Variants in EXOC6 observed in about 807,000 individuals in gnomAD.
The protein encoded by EXOC6 is SEC15-like 1.
A neutral mutation model predicts 112.5 loss-of-function variants in EXOC6; 60 were observed. The observed-to-expected ratio is 0.53, with a 90% CI of 0.43 to 0.66. EXOC6 has a LOEUF of 0.66. Ranked by LOEUF, EXOC6 falls within the 30% of genes least tolerant of loss-of-function variation. The pLI is 0.00. For synonymous variants in EXOC6, 295 were observed against 308.0 expected (o/e 0.96, Z 0.44); for missense variants, 855 against 957.1 (o/e 0.89, Z 1.41).
chr10:92,896,177 ATATATTTTTTTTTTTTTTTTTTT>A (rs1849804582), intron 4 of EXOC6, among the ~76,000 whole-genome samples: 7 of 16,160 alleles, frequency 4.3e-4, no homozygotes, highest in African/African-American at 2.1e-3. Flanking sequence ...ATATATATAT[ATATATTTTTTTTTTTTTTTTTTT>A]TTTTTTTTTT....
At chr10:92,898,452 C>T (rs1849956856) in intron 4 of EXOC6, among the ~76,000 whole-genome samples, 1 of 150,074 alleles carries the variant, frequency 6.7e-6, no homozygotes. Flanking sequence ...AAAATCACGG[C>T]ATAAACAATG....
At chr10:92,866,832 C>T (rs1848197618) in intron 1 of EXOC6, among the ~76,000 whole-genome samples, 1 of 152,030 alleles carries the variant, frequency 6.6e-6, no homozygotes, top group Non-Finnish European at 1.5e-5. Context: ...GAGTTAGTTT[C>T]CATAAGAATT....
At chr10:92,838,129 C>G (rs1667113483) in intron 1 of EXOC6, among the ~76,000 whole-genome samples, 1 of 152,178 alleles carries the variant, frequency 6.6e-6, no homozygotes, top group Non-Finnish European at 1.5e-5. Context: ...CAGTGTAATT[C>G]AAGGGTAACT....
At chr10:93,016,942 A>G (rs1844551022) in intron 20 of EXOC6, among the ~76,000 whole-genome samples, 2 of 151,740 alleles carry the variant, frequency 1.3e-5, no homozygotes, top group South Asian at 2.1e-4. Context: ...CCTCCCAAGT[A>G]GCTGGGACTA....
At chr10:92,961,714 T>TA (rs397779888) in intron 17 of EXOC6, among the ~76,000 whole-genome samples, 8 of 151,260 alleles carry the variant, frequency 5.3e-5, no homozygotes, top group Admixed American at 4.6e-4. Flanking sequence ...TTTTTTTTTT[T>TA]AATATCATCA....
chr10:92,889,552 G>A (rs1164521763), intron 1 of EXOC6, among the ~76,000 whole-genome samples: 2 of 152,068 alleles, frequency 1.3e-5, no homozygotes, highest in African/African-American at 4.8e-5. Context: ...ATTTGTTGAA[G>A]ACTGTCTTTT....
intron 20 of EXOC6, among the ~76,000 whole-genome samples, chr10:93,019,455 G>T (rs1247483265): frequency 6.6e-6 from 1 of 152,074 alleles, no homozygotes; most frequent in Non-Finnish European, 1.5e-5. Flanking sequence ...GATTTCTCCA[G>T]AATTTAGAAA....
chr10:92,989,656 C>T (rs1171945108), intron 18 of EXOC6, among the ~76,000 whole-genome samples: 2 of 152,138 alleles, frequency 1.3e-5, no homozygotes, highest in African/African-American at 2.4e-5. Context: ...TTTACTCACT[C>T]GATATAATAA....
At chr10:92,975,845 C>T (rs1842557870) in intron 18 of EXOC6, among the ~76,000 whole-genome samples, 1 of 132,426 alleles carries the variant, frequency 7.6e-6, no homozygotes, top group Non-Finnish European at 1.6e-5. Context: ...GTGAGGGGCG[C>T]CTCTGCCCGG....
chr10:92,934,469 G>T (rs1350701113), intron 11 of EXOC6, 39 bp downstream of exon 11: 18 of 1,504,448 alleles, frequency 1.2e-5, no homozygotes, highest in South Asian at 2.8e-5. Context: ...TTTTAATTCA[G>T]TTACTTCAAG....
intron 20 of EXOC6, among the ~76,000 whole-genome samples, chr10:93,025,533 CA>C (rs1844991834): frequency 6.6e-6 from 1 of 152,068 alleles, no homozygotes; most frequent in Non-Finnish European, 1.5e-5. Flanking sequence ...TTTCTTCTTC[CA>C]AATATAATCC....
At chr10:92,842,775 CT>C (rs752815630) in intron 1 of EXOC6, among the ~76,000 whole-genome samples, 84 of 152,148 alleles carry the variant, frequency 5.5e-4, no homozygotes, top group Non-Finnish European at 9.9e-4. Flanking sequence ...TGATATTGTT[CT>C]TTAACTGCTC....
At chr10:92,996,062 G>A (rs1386756351) in intron 18 of EXOC6, among the ~76,000 whole-genome samples, 1 of 152,040 alleles carries the variant, frequency 6.6e-6, no homozygotes, top group African/African-American at 2.4e-5. Context: ...GGGAGATTTT[G>A]GTCACGATTT....
At chr10:93,037,594 C>A (rs1481542984) in intron 20 of EXOC6, among the ~76,000 whole-genome samples, 1 of 151,910 alleles carries the variant, frequency 6.6e-6, no homozygotes, top group African/African-American at 2.4e-5. Flanking sequence ...CACGTGCCAC[C>A]ACACCCAGCT....
chr10:93,010,988 A>T (rs1844213589), intron 19 of EXOC6, among the ~76,000 whole-genome samples: 1 of 152,156 alleles, frequency 6.6e-6, no homozygotes, highest in Admixed American at 6.5e-5. Flanking sequence ...GAGAAGAAAA[A>T]TTATTTTAAG....
intron 1 of EXOC6, among the ~76,000 whole-genome samples, chr10:92,838,156 G>A (rs1160516955): frequency 6.6e-6 from 1 of 152,188 alleles, no homozygotes; most frequent in African/African-American, 2.4e-5. Flanking sequence ...CACTTCTTTT[G>A]CAGAGCATTC....
chr10:93,003,023 C>A (rs2134198012), intron 19 of EXOC6, among the ~76,000 whole-genome samples: 1 of 152,158 alleles, frequency 6.6e-6, no homozygotes. Context: ...AATCATGAGC[C>A]ACCAAAGAAA....
At chr10:93,007,148 T>C (rs868735392) in intron 19 of EXOC6, among the ~76,000 whole-genome samples, 1 of 152,336 alleles carries the variant, frequency 6.6e-6, no homozygotes, top group South Asian at 2.1e-4. Context: ...CTGAGTTTAA[T>C]TTCAGAGTAG....
intron 9 of EXOC6, 69 bp downstream of exon 9, chr10:92,928,491 C>G (rs1851844110): frequency 1.1e-6 from 1 of 909,068 alleles, no homozygotes; most frequent in Non-Finnish European, 1.8e-6. Flanking sequence ...TTAATTTCTT[C>G]AAAGCATGTA....
Sources: allele counts gnomAD v4.1 joint callset (sites outside exome capture counted in the v4.1 genomes callset), GRCh38; gene constraint gnomAD v4.1.1; transcripts MANE v1.5; gene names NCBI Gene and HGNC (gene_info 2026-07-23, HGNC 2026-07-21).